The following PATZ1 variants were observed in gnomAD, a reference collection of about 807,000 sequenced individuals.
The protein encoded by PATZ1 is POZ/BTB and AT hook containing zinc finger 1, also known as POZ-, AT hook-, and zinc finger-containing protein 1.
In PATZ1, 9 loss-of-function variants were observed where a neutral mutation model predicts 46.2. That is an observed-to-expected ratio of 0.19 (90% CI 0.12 to 0.34). The LOEUF (loss-of-function observed/expected upper bound fraction) is 0.34. Ranked by LOEUF, PATZ1 falls within the 10% of genes least tolerant of loss-of-function variation. PATZ1 has a pLI of 1.00. For missense variants in PATZ1, 632 were observed against 923.0 expected (o/e 0.68, Z 4.08); for synonymous variants, 426 against 378.6 (o/e 1.13, Z -1.45).
chr22:31,343,963 A>T (rs1337091325), intron 1 of PATZ1, among the ~76,000 whole-genome samples: 1 of 151,804 alleles, frequency 6.6e-6, no homozygotes, highest in Non-Finnish European at 1.5e-5. Context: ...CAGCCATTCA[A>T]GCGGGGAAGT....
rs776662945 is a variant in PATZ1 at position 31,327,360 on chromosome 22, C to T, written c.1646-51G>A. ...GCGATGAGGCCAGGCTCTGGAGATG[C>T]CCCCTCCTGGAGGGGTCATGAGGGG... On this transcript the variant is annotated intron_variant, in intron 4 of 4. Coordinates refer to ENST00000266269, the MANE Select transcript of PATZ1 (RefSeq NM_014323.3). The surrounding 1 kb of genome is among the most constrained non-coding windows in gnomAD (Gnocchi z 4.2). 2 of 1,488,682 alleles carry T rather than the reference C, an allele frequency of 1.3e-6. No homozygotes were observed. Among genetic ancestry groups the T allele is most frequent in the East Asian group, 2.3e-5 (1 of 44,142 alleles). 92.2% of individuals were successfully genotyped at this position (1,488,682 alleles called of 1,614,324 possible). A position where few individuals can be genotyped will look rare whatever the true frequency, so the allele number is the denominator to read the frequency against.
chr22:31,346,063 G>C lies in PATZ1; in HGVS notation c.-461C>G. On this transcript the variant is annotated 5_prime_UTR_variant, in exon 1 of 5. Transcript: ENST00000266269. ...CGCCGCGGCTTTTCCCGGGCCCGCT[G>C]GGGGCGCGCGCTGCGTCCCCTGCAA... 1 of 160,992 alleles carries C rather than the reference G, an allele frequency of 6.2e-6. No individual in the cohort carries two copies. The highest frequency in any genetic ancestry group is 1.4e-5 in the Non-Finnish European group (1 of 73,310). 10.0% of individuals were successfully genotyped at this position (160,992 alleles called of 1,614,324 possible).
At chr22:31,340,408 T>A (rs919670138) in intron 2 of PATZ1, among the ~76,000 whole-genome samples, 23 of 152,162 alleles carry the variant, frequency 1.5e-4, no homozygotes, top group African/African-American at 5.3e-4. Flanking sequence ...CCTCTTATGT[T>A]TTCAGCATCC....
rs920348587 is a variant in PATZ1 at position 31,327,484 on chromosome 22, C to G, written c.1646-175G>C. On this transcript the variant is annotated intron_variant, in intron 4 of 4. Coordinates refer to ENST00000266269, the MANE Select transcript of PATZ1 (RefSeq NM_014323.3). This position sits in a 1 kb window ranked among gnomAD's most constrained non-coding sequence, Gnocchi z 4.2. ...TCAGTCTGGGAGCCTGGAGTGCCTA[C>G]AGGGGTGAAACGGCAGGGCCCTAGG... is the stretch of plus-strand genomic sequence containing the variant. 6.6e-6 allele frequency among the ~76,000 whole-genome samples: 1 copy of G among 151,746 alleles called. No individual in the cohort carries two copies. The highest frequency in any genetic ancestry group is 6.6e-5 in the Admixed American group (1 of 15,246).
chr22:31,345,417 G>A lies in PATZ1; in HGVS notation c.186C>T (p.Cys62=). 6.2e-7 allele frequency: 1 copy of A among 1,612,292 alleles called. No individual in the cohort carries two copies. Among genetic ancestry groups the A allele is most frequent in the Non-Finnish European group, 8.5e-7 (1 of 1,179,374 alleles). Residue 62 remains cysteine (C), a synonymous_variant, in exon 1 of 5, where the codon TGC becomes TGT. Coordinates refer to ENST00000266269, the MANE Select transcript of PATZ1 (RefSeq NM_014323.3). This position sits in a 1 kb window ranked among gnomAD's most constrained non-coding sequence, Gnocchi z 7.4. ...FPAHRAVLAA[C]SEYFESVFSA... ...TGAACACCGACTCAAAGTACTCGCT[G>A]CAGGCGGCCAGCACGGCGCGGTGCG...
At position 31,346,016 on chromosome 22, in the gene PATZ1, C is replaced by CCGCCGCGCAGGCGCGCGCGCG. The variant is rs2049652892; in HGVS notation, c.-435_-415dup. 5.5e-6 allele frequency: 1 copy of CCGCCGCGCAGGCGCGCGCGCG among 181,888 alleles called. No homozygotes were observed. Among genetic ancestry groups the CCGCCGCGCAGGCGCGCGCGCG allele is most frequent in the African/African-American group, 2.4e-5 (1 of 42,204 alleles). 11.3% of individuals were successfully genotyped at this position (181,888 alleles called of 1,614,324 possible). On this transcript the variant is annotated 5_prime_UTR_variant, in exon 1 of 5. Transcript: ENST00000266269. ...GCACGCGGGGAGGAGAAGGAGGGGT[C>CCGCCGCGCAGGCGCGCGCGCG]CGCCGCGCAGGCGCGCGCGCGCGCC...
Position 31,326,910 on chromosome 22 carries a change from A to G in PATZ1, c.2045T>C (p.Met682Thr). 1.2e-6 allele frequency: 2 copies of G among 1,613,536 alleles called. No individual in the cohort carries two copies. Among genetic ancestry groups the G allele is most frequent in the South Asian group, 1.1e-5 (1 of 91,028 alleles). The change falls in exon 5 of 5, where the codon ATG becomes ACG. Residue 682 changes from methionine (M) to threonine (T), a missense_variant. Transcript: ENST00000266269. The stretch of plus-strand genomic sequence containing the variant: ...GCTGCCTCATTTCCCTTCAGGCCCC[A>G]TGGGCTGCTGGTCAACCTCAGGATC... The part of the protein sequence containing the change: ...LVDPEVDQQP[M>T]GPEGK
Position 31,327,761 on chromosome 22 carries a change from A to G in PATZ1, c.1646-452T>C, listed in dbSNP as rs150157262. ...CAGACTAGCTGCACCCTAGCAAGAC[A>G]GGCAGAACCAGAGCCATTAGGTCCT... is the stretch of plus-strand genomic sequence containing the variant. On this transcript the variant is annotated intron_variant, in intron 4 of 4. Coordinates refer to ENST00000266269, the MANE Select transcript of PATZ1 (RefSeq NM_014323.3). This position sits in a 1 kb window ranked among gnomAD's most constrained non-coding sequence, Gnocchi z 4.2. Among the ~76,000 whole-genome samples, 265 of 152,300 alleles carry G rather than the reference A, an allele frequency of 1.7e-3. 2 individuals carry two copies. In the East Asian group the frequency reaches 0.045, roughly 26 times the overall value.
chr22:31,344,737 G>A lies in PATZ1; in HGVS notation c.866C>T (p.Ala289Val). 6.2e-7 allele frequency: 1 copy of A among 1,610,458 alleles called. No homozygotes were observed. Among genetic ancestry groups the A allele is most frequent in the Non-Finnish European group, 8.5e-7 (1 of 1,177,710 alleles). Residue 289 changes from alanine to valine, a missense_variant, in exon 1 of 5, where the codon GCA becomes GTA. Ala to Val is a moderately conservative substitution (Grantham distance 64, BLOSUM62 0). Coordinates refer to ENST00000266269, the MANE Select transcript of PATZ1 (RefSeq NM_014323.3). ...ACATAGACCGCATGGAAGGATGCCT[G>A]CCTCCCTCAGGCCCCCTGGGGACCC... ...MFGSPGGLRE[A>V]GILPCGLCGK...
chr22:31,344,977 T>G lies in PATZ1; in HGVS notation c.626A>C (p.Glu209Ala). 1.9e-6 allele frequency: 3 copies of G among 1,613,972 alleles called. No individual in the cohort carries two copies. In the East Asian group the frequency reaches 6.7e-5, roughly 36 times the overall value. ...ACCAGCCGCCCGAGCTGCCTCCTCC[T>G]CTGGCTGCATGCTGCCGGCGATGCC... is the stretch of plus-strand genomic sequence containing the variant. ...SNGIAGSMQP[E>A]EEAARAAGAA... The change falls in exon 1 of 5, where the codon GAG (glutamate) becomes GCG (alanine). Residue 209 changes from glutamate to alanine, a missense_variant. By Grantham distance (107) the Glu-to-Ala change is moderately radical (BLOSUM62 -1). This residue lies in a region of PATZ1 where 279 missense variants were observed against 284.3 expected (regional missense o/e 0.98). Coordinates refer to ENST00000266269, the MANE Select transcript of PATZ1 (RefSeq NM_014323.3).
At chr22:31,343,711 T>C (rs1229357267) in intron 1 of PATZ1, 1 of 152,644 alleles carries the variant, frequency 6.6e-6, no homozygotes, top group African/African-American at 2.4e-5. Context: ...CTTTCTGTCC[T>C]GAAAACATAA....
At chr22:31,344,293 T>C (rs1424050273) in intron 1 of PATZ1, 39 bp downstream of exon 1, 3 of 1,537,924 alleles carry the variant, frequency 2.0e-6, no homozygotes, top group Non-Finnish European at 2.6e-6. Context: ...AGGACTAAGA[T>C]AACGTGTGGC....
At position 31,344,630 on chromosome 22, in the gene PATZ1, C is replaced by T; in HGVS notation, c.973G>A (p.Asp325Asn). The T allele has an allele frequency of 6.2e-7, 1 of 1,614,048 alleles. No individual in the cohort carries two copies. The highest frequency in any genetic ancestry group is 1.1e-5 in the South Asian group (1 of 91,084). ...TCACCCAGCCTCGGAGGAGGAAGGT[C>T]GATGTAGCCCAGCTGGAGGCTGGTG... ...GVTSLQLGYI[D>N]LPPPRLGENG... is the part of the protein sequence containing the mutation. Residue 325 changes from aspartate to asparagine, a missense_variant, in exon 1 of 5, where the codon GAC becomes AAC. By Grantham distance (23) the Asp-to-Asn change is conservative (BLOSUM62 1). Coordinates refer to ENST00000266269, the MANE Select transcript of PATZ1 (RefSeq NM_014323.3).
At position 31,327,419 on chromosome 22, in the gene PATZ1, C is replaced by G; in HGVS notation, c.1646-110G>C. On this transcript the variant is annotated intron_variant, in intron 4 of 4. Transcript: ENST00000266269. The surrounding 1 kb of genome is among the most constrained non-coding windows in gnomAD (Gnocchi z 4.2). ...CAGACCTGTGGAGGGCAGCCATTGG[C>G]CAGCCACTGCCCTGGCAGAACCCAC... 1 of 891,884 alleles carries G rather than the reference C, an allele frequency of 1.1e-6. No individual in the cohort carries two copies. Among genetic ancestry groups the G allele is most frequent in the Non-Finnish European group, 1.7e-6 (1 of 587,844 alleles). 55.2% of individuals were successfully genotyped at this position (891,884 alleles called of 1,614,324 possible).
rs2049368153 is a variant in PATZ1, at chr22:31,326,113, T to C, written c.*778A>G. ...TGTGACTGCGGTTTACAAAGAGCTC[T>C]GTATCACCTGGGATAGCTTTCAGTA... On this transcript the variant is annotated 3_prime_UTR_variant, in exon 5 of 5. Transcript: ENST00000266269. The C allele has an allele frequency of 2.7e-5, 6 of 221,930 alleles. 1 individual carries two copies. In the South Asian group the frequency reaches 1.1e-3, roughly 41 times the overall value. 13.7% of individuals were successfully genotyped at this position (221,930 alleles called of 1,614,324 possible). A position where few individuals can be genotyped will look rare whatever the true frequency, so the allele number is the denominator to read the frequency against.
At chr22:31,343,519 C>G (rs2049609206) in intron 1 of PATZ1, 1 of 816,140 alleles carries the variant, frequency 1.2e-6, no homozygotes, top group Non-Finnish European at 1.5e-6. Context: ...AAGACTGGTT[C>G]CTGGTCGGGG....
chr22:31,338,522 G>A (rs2049540077), intron 2 of PATZ1, among the ~76,000 whole-genome samples: 1 of 152,206 alleles, frequency 6.6e-6, no homozygotes, highest in Non-Finnish European at 1.5e-5. Flanking sequence ...ATGACCCAGT[G>A]ACAGGCCACA....
intron 2 of PATZ1, among the ~76,000 whole-genome samples, chr22:31,339,290 C>G (rs533314961): frequency 3.7e-4 from 57 of 152,152 alleles, no homozygotes; most frequent in Non-Finnish European, 6.6e-4. Context: ...GGAAAAAACA[C>G]AAACATGACA....
chr22:31,345,201 G>A lies in PATZ1; in HGVS notation c.402C>T (p.Pro134=). The change falls in exon 1 of 5, where the codon CCC becomes CCT. Residue 134 remains proline (P), a synonymous_variant. Coordinates refer to ENST00000266269, the MANE Select transcript of PATZ1 (RefSeq NM_014323.3). This position sits in a 1 kb window ranked among gnomAD's most constrained non-coding sequence, Gnocchi z 7.4. ...GGAACTTGGCGGCCGTCATGAGTTC[G>A]GGAAAGCTCTCCAAGCGCACCACGA... ...SRIVVRLESF[P]ELMTAAKFLL... is the part of the protein sequence containing the mutation. The A allele has an allele frequency of 6.2e-7, 1 of 1,614,090 alleles. No individual in the cohort carries two copies. Among genetic ancestry groups the A allele is most frequent in the East Asian group, 2.2e-5 (1 of 44,888 alleles).
Sources: gnomAD v4.1 joint callset for allele counts (sites outside exome capture counted in the v4.1 genomes callset) on GRCh38, gnomAD v4.1.1 for gene constraint, gnomAD v4.1.1 regional missense constraint, Gnocchi (gnomAD v3.1) non-coding constraint, MANE v1.5 for transcripts, NCBI Gene and HGNC (gene_info 2026-07-23, HGNC 2026-07-21) for gene names.